WWC2: variants seen among roughly 807,000 people sequenced by gnomAD.
The protein encoded by WWC2 is WW and C2 domain containing 2.
A neutral mutation model predicts 138.5 loss-of-function variants in WWC2; 101 were observed. The ratio of observed to expected loss-of-function variants is 0.73; its 90% confidence interval spans 0.62 to 0.86. The LOEUF is 0.86. Ranked by LOEUF, WWC2 falls within the 40% of genes least tolerant of loss-of-function variation. The pLI, the probability that WWC2 is intolerant of heterozygous loss-of-function variation, is 0.00. For synonymous variants in WWC2, 558 were observed against 538.4 expected (o/e 1.04, Z -0.50); for missense variants, 1,420 against 1,419.4 (o/e 1.00, Z -0.01).
At chr4:183,220,282 G>T (rs1735883861) in intron 4 of WWC2, among the ~76,000 whole-genome samples, 1 of 152,162 alleles carries the variant, frequency 6.6e-6, no homozygotes, top group South Asian at 2.1e-4. Context: ...AGAGAACCTA[G>T]TGAGCTATTA....
At chr4:183,297,360 A>T (rs1381212255) in intron 21 of WWC2, among the ~76,000 whole-genome samples, 1 of 152,094 alleles carries the variant, frequency 6.6e-6, no homozygotes, top group Non-Finnish European at 1.5e-5. Context: ...GAGGGAAAGA[A>T]GATCCTAAGG....
chr4:183,301,768 A>T (rs901619591), intron 21 of WWC2, among the ~76,000 whole-genome samples: 31 of 152,388 alleles, frequency 2.0e-4, no homozygotes, highest in Middle Eastern at 3.4e-3. Context: ...AATTCAGGTG[A>T]TGCAGAACTA....
intron 16 of WWC2, 67 bp downstream of exon 16, chr4:183,271,308 G>A (rs907977372): frequency 3.1e-6 from 4 of 1,285,028 alleles, no homozygotes; most frequent in African/African-American, 1.5e-5. Flanking sequence ...ATATATGAAA[G>A]TAATATGAAA....
intron 1 of WWC2, among the ~76,000 whole-genome samples, chr4:183,191,136 C>T (rs1734979108): frequency 6.6e-6 from 1 of 151,886 alleles, no homozygotes; most frequent in Non-Finnish European, 1.5e-5. Context: ...TCAAAGAGAC[C>T]ATGTATGTAG....
chr4:183,181,617 T>C (rs1734635304), intron 1 of WWC2, among the ~76,000 whole-genome samples: 1 of 151,466 alleles, frequency 6.6e-6, no homozygotes, highest in African/African-American at 2.4e-5. Flanking sequence ...AAGGATACAG[T>C]ATATAATACA....
At chr4:183,143,557 C>T (rs1733364646) in intron 1 of WWC2, among the ~76,000 whole-genome samples, 1 of 152,060 alleles carries the variant, frequency 6.6e-6, no homozygotes, top group African/African-American at 2.4e-5. Context: ...CCTGTAATCC[C>T]AGCACTTTGG....
At chr4:183,187,007 G>C (rs1734826146) in intron 1 of WWC2, among the ~76,000 whole-genome samples, 1 of 152,084 alleles carries the variant, frequency 6.6e-6, no homozygotes, top group Non-Finnish European at 1.5e-5. Flanking sequence ...TTTAAATCTT[G>C]GAGCAGCAGT....
intron 5 of WWC2, among the ~76,000 whole-genome samples, 158 bp from the exon 6 acceptor site, chr4:183,245,258 A>AAGG (rs1230382435): frequency 6.6e-6 from 1 of 151,130 alleles, no homozygotes; most frequent in Non-Finnish European, 1.5e-5. Context: ...AAGAGAGAGA[A>AAGG]AGGAGGAGAA....
chr4:183,221,826 T>C (rs1735943829), intron 4 of WWC2, among the ~76,000 whole-genome samples: 1 of 152,182 alleles, frequency 6.6e-6, no homozygotes, highest in Non-Finnish European at 1.5e-5. Flanking sequence ...TACAACCCTT[T>C]TGGAAAGCGG....
In WWC2 at chr4:183,319,886, C is replaced by G. The variant is rs776280384; in HGVS notation, c.*4157C>G. The G allele has an allele frequency of 6.2e-7, 1 of 1,613,840 alleles. No individual in the cohort carries two copies. Among genetic ancestry groups the G allele is most frequent in the East Asian group, 2.2e-5 (1 of 44,888 alleles). On this transcript the variant is annotated 3_prime_UTR_variant, in exon 23 of 23. Transcript: ENST00000403733. ...TCAGCAGTCGCCTCTTGAGATCTCT[C>G]TGACTCTCTCCAATTCTCAAACAGT...
chr4:183,287,798 C>T (rs898908285), intron 20 of WWC2, among the ~76,000 whole-genome samples: 2 of 152,158 alleles, frequency 1.3e-5, no homozygotes, highest in African/African-American at 2.4e-5. Flanking sequence ...ACCCTCCTCA[C>T]GCTGGCTCAC....
At chr4:183,099,907 C>G in intron 1 of WWC2, among the ~76,000 whole-genome samples, 1 of 152,244 alleles carries the variant, frequency 6.6e-6, no homozygotes, top group Non-Finnish European at 1.5e-5. Flanking sequence ...GAGGGGCCAC[C>G]TGAGCCCTGT....
At chr4:183,180,908 A>G (rs1734613961) in intron 1 of WWC2, among the ~76,000 whole-genome samples, 1 of 152,218 alleles carries the variant, frequency 6.6e-6, no homozygotes, top group African/African-American at 2.4e-5. Context: ...AGAAAAAGGT[A>G]TGGCACGAAT....
Position 183,194,641 on chromosome 4 carries a change from G to T in WWC2, c.241+933G>T, listed in dbSNP as rs76468790. On this transcript the variant is annotated intron_variant, in intron 2 of 22. Transcript: ENST00000403733. The stretch of plus-strand genomic sequence containing the variant: ...ATTTGATACTCACTCATTAGTGATG[G>T]CTTGCAGCTGCCCTTGTGTAGGTAG... 5.4e-3 allele frequency among the ~76,000 whole-genome samples: 820 copies of T among 152,192 alleles called. 6 individuals carry two copies. Among genetic ancestry groups the T allele is most frequent in the African/African-American group, 0.019 (791 of 41,512 alleles).
chr4:183,117,218 T>C (rs77245557), intron 1 of WWC2, among the ~76,000 whole-genome samples: 497 of 139,856 alleles, frequency 3.6e-3, no homozygotes, highest in African/African-American at 0.012. Flanking sequence ...TCTTCTTCTT[T>C]TTTTTTTTTT....
rs750739031 is a variant in WWC2 at position 183,156,330 on chromosome 4, GTTCTT to G, written c.132-37266_132-37262del. On this transcript the variant is annotated intron_variant, in intron 1 of 22. Transcript: ENST00000403733. ...CGTGAGCCACCATGCCTGGCCCTTT[GTTCTT>G]TTTTTTTTTTTTTTTTTTGAGACGG... 5.3e-4 allele frequency among the ~76,000 whole-genome samples: 48 copies of G among 90,848 alleles called. No individual in the cohort carries two copies. In the South Asian group the frequency reaches 0.021, roughly 39 times the overall value. 59.6% of individuals were successfully genotyped at this position (90,848 alleles called of 152,430 possible).
In WWC2 at chr4:183,259,707, A is replaced by G. The variant is rs147663571; in HGVS notation, c.1265A>G (p.Tyr422Cys). ...KLEETTKLTT[Y>C]LHSQLKSLSA... Reference sequence around the variant, plus strand: ...GAAGAAACTACTAAATTAACTACTTATTTGCATTCACAACTTAAAAGGTGA... The same window carrying G: ...GAAGAAACTACTAAATTAACTACTTGTTTGCATTCACAACTTAAAAGGTGA... The change falls in exon 10 of 23, where the codon TAT becomes TGT. Residue 422 changes from tyrosine to cysteine, a missense_variant. Transcript: ENST00000403733. 23 of 1,547,464 alleles carry G rather than the reference A, an allele frequency of 1.5e-5. 2 individuals are homozygous for G. The highest frequency in any genetic ancestry group is 3.3e-4 in the Middle Eastern group (2 of 5,984).
chr4:183,137,505 A>AT lies in WWC2; in HGVS notation c.131+37896dup, dbSNP rs879514966. Among the ~76,000 whole-genome samples, 767 of 145,932 alleles carry AT rather than the reference A, an allele frequency of 5.3e-3. 7 individuals carry two copies. Among genetic ancestry groups the AT allele is most frequent in the East Asian group, 0.035 (178 of 5,030 alleles). On this transcript the variant is annotated intron_variant, in intron 1 of 22. Transcript: ENST00000403733. ...ATAGGCATTTCTCAGCTTCTTTGGA[A>AT]TTTTTTTTTTTTTGAGATGGAGTCT...
At chr4:183,218,346 TAAA>T (rs997511338) in intron 4 of WWC2, among the ~76,000 whole-genome samples, 1 of 143,930 alleles carries the variant, frequency 6.9e-6, no homozygotes, top group Non-Finnish European at 1.5e-5. Flanking sequence ...AGCTATTACT[TAAA>T]AAAAAAAAAC....
Sources: gnomAD v4.1 joint callset for allele counts (sites outside exome capture counted in the v4.1 genomes callset) on GRCh38, gnomAD v4.1.1 for gene constraint, MANE v1.5 for transcripts, NCBI Gene and HGNC (gene_info 2026-07-23, HGNC 2026-07-21) for gene names.